The following MINAR1 variants were observed in gnomAD, a reference collection of about 807,000 sequenced individuals.
MINAR1 encodes the protein major intrinsically disordered Notch2-binding receptor 1.
In MINAR1, 40 loss-of-function variants were observed where a neutral mutation model predicts 65.1. That is an observed-to-expected ratio of 0.61 (90% CI 0.48 to 0.80). MINAR1 has a LOEUF of 0.80. Among genes scored for constraint, MINAR1 ranks in the 30% least tolerant of loss-of-function variants. The pLI is 0.00. For synonymous variants in MINAR1, 482 were observed against 449.1 expected, an observed-to-expected ratio of 1.07 and a Z score of -0.93; for missense variants, 1,128 against 1,148.0, an observed-to-expected ratio of 0.98 and a Z score of 0.25.
intron 1 of MINAR1, among the ~76,000 whole-genome samples, chr15:79,451,504 G>T (rs1392179871): frequency 6.6e-6 from 1 of 151,978 alleles, no homozygotes; most frequent in African/African-American, 2.4e-5. Context: ...ACGGGTCTGC[G>T]GGAGACACAG....
intron 1 of MINAR1, among the ~76,000 whole-genome samples, chr15:79,435,483 C>T (rs7163207): frequency 0.011 from 1,643 of 152,286 alleles, 27 homozygotes; most frequent in African/African-American, 0.037. Context: ...TCACCTAGCT[C>T]AGTGTTATAA....
Position 79,456,749 on chromosome 15 carries a change from A to G in MINAR1, c.602A>G (p.Tyr201Cys), listed in dbSNP as rs147845474. ...GACAGGTTGCAGGCCCTGGCTCCGT[A>G]CTCTGTGACCAGCCCTCAGCCCTGT... ...SLDRLQALAP[Y>C]SVTSPQPCEM... The change falls in exon 2 of 4, where the codon TAC becomes TGC. Residue 201 changes from tyrosine (Y) to cysteine (C), a missense_variant. By Grantham distance (194) the Tyr-to-Cys change is radical. Coordinates refer to ENST00000305428, the MANE Select transcript of MINAR1 (RefSeq NM_015206.3). 1.7e-4 allele frequency: 276 copies of G among 1,613,998 alleles called. No homozygotes were observed. Among genetic ancestry groups the G allele is most frequent in the South Asian group, 1.1e-3 (99 of 91,076 alleles).
chr15:79,445,553 T>TTTA (rs1555427882), intron 1 of MINAR1, among the ~76,000 whole-genome samples: 3 of 150,826 alleles, frequency 2.0e-5, no homozygotes, highest in Non-Finnish European at 4.4e-5. Context: ...GACAGTTATT[T>TTTA]TTTTTTTTTT....
the MINAR1 span, chr15:79,415,207 A>T: frequency 2.0e-5 from 3 of 152,128 alleles, no homozygotes; most frequent in African/African-American, 7.2e-5. Context: ...GCTCATGGGG[A>T]ACCAAGAGTT....
At chr15:79,464,057 C>T (rs1895749771) in intron 3 of MINAR1, among the ~76,000 whole-genome samples, 1 of 152,188 alleles carries the variant, frequency 6.6e-6, no homozygotes, top group Non-Finnish European at 1.5e-5. Context: ...GTGAGAGCTG[C>T]CTGTGGAGAT....
At chr15:79,445,722 A>AT (rs1192626079) in intron 1 of MINAR1, among the ~76,000 whole-genome samples, 2 of 151,816 alleles carry the variant, frequency 1.3e-5, no homozygotes, top group Non-Finnish European at 2.9e-5. Context: ...CTAATTTTGT[A>AT]TTTTTAGTAG....
In MINAR1 at chr15:79,442,846, C is replaced by G. The variant is rs145881317; in HGVS notation, c.-51+10306C>G. Among the ~76,000 whole-genome samples, 4 of 151,928 alleles carry G rather than the reference C, an allele frequency of 2.6e-5. No homozygotes were observed. In the East Asian group the frequency reaches 7.7e-4, roughly 29 times the overall value. ...AAATAACCCAGTAGACATCCATATA[C>G]CAGTGAAATTAAACGGATGTTAAAG... On this transcript the variant is annotated intron_variant, in intron 1 of 3. Coordinates refer to ENST00000305428, the MANE Select transcript of MINAR1 (RefSeq NM_015206.3).
the MINAR1 span, chr15:79,414,300 A>C: frequency 6.6e-6 from 1 of 152,240 alleles, no homozygotes; most frequent in African/African-American, 2.4e-5. Flanking sequence ...ATATAGGTTA[A>C]GATCCCTGTG....
chr15:79,468,273 A>T lies in MINAR1; in HGVS notation c.2640A>T (p.Lys880Asn). 1 of 1,614,086 alleles carries T rather than the reference A, an allele frequency of 6.2e-7. No homozygotes were observed. Among genetic ancestry groups the T allele is most frequent in the Admixed American group, 1.7e-5 (1 of 60,030 alleles). ...TPGYDSLLKRKEAEFRRAKVC... is the reference protein window; with the variant it reads ...TPGYDSLLKRNEAEFRRAKVC... ...GATACGATTCATTACTAAAACGTAA[A>T]GAAGCCGAATTCAGACGAGCCAAGG... is the stretch of plus-strand genomic sequence containing the variant. Residue 880 changes from lysine to asparagine, a missense_variant, in exon 4 of 4, where the codon AAA becomes AAT. Coordinates refer to ENST00000305428, the MANE Select transcript of MINAR1 (RefSeq NM_015206.3).
the MINAR1 span, chr15:79,419,190 A>C: frequency 1.3e-5 from 2 of 152,200 alleles, no homozygotes; most frequent in East Asian, 3.9e-4. Flanking sequence ...AGGAAAAGGG[A>C]TAGCAGGGAA....
chr15:79,412,050 C>A, the MINAR1 span: 1 of 147,106 alleles, frequency 6.8e-6, no homozygotes, highest in Admixed American at 6.7e-5. Context: ...CGCATCACAG[C>A]TCCTGTGCTG....
the MINAR1 span, chr15:79,420,479 G>A: frequency 6.6e-6 from 1 of 152,166 alleles, no homozygotes; most frequent in Non-Finnish European, 1.5e-5. Flanking sequence ...CTGTAGGCTT[G>A]GGGGAAACTT....
chr15:79,432,021 GC>G, upstream of MINAR1, among the ~76,000 whole-genome samples: 1 of 152,220 alleles, frequency 6.6e-6, no homozygotes, highest in East Asian at 1.9e-4. Context: ...GCCAGCTTGA[GC>G]GCCCCGGGCG....
intron 1 of MINAR1, among the ~76,000 whole-genome samples, chr15:79,433,022 C>T (rs926602492): frequency 6.6e-6 from 1 of 152,226 alleles, no homozygotes; most frequent in Non-Finnish European, 1.5e-5. Flanking sequence ...TTTCCAGTCA[C>T]GTTGATGTGG....
intron 3 of MINAR1, among the ~76,000 whole-genome samples, chr15:79,467,212 T>C (rs577938889): frequency 2.0e-5 from 3 of 152,366 alleles, no homozygotes; most frequent in Non-Finnish European, 4.4e-5. Flanking sequence ...CCTGTGTTTG[T>C]ATATGTGTAT....
At chr15:79,430,452 A>G (rs1014635644), upstream of MINAR1, among the ~76,000 whole-genome samples, 1 of 152,216 alleles carries the variant, frequency 6.6e-6, no homozygotes, top group African/African-American at 2.4e-5. Flanking sequence ...GGAGAAATAT[A>G]TACTTGTTCA....
rs1392463302 is a variant in MINAR1, at chr15:79,470,784, C to T, written c.*2400C>T. The T allele has an allele frequency of 1.3e-5, 2 of 152,158 alleles. No individual in the cohort carries two copies. The highest frequency in any genetic ancestry group is 2.4e-5 in the African/African-American group (1 of 41,418). 9.4% of individuals were successfully genotyped at this position (152,158 alleles called of 1,614,324 possible). On this transcript the variant is annotated 3_prime_UTR_variant, in exon 4 of 4. Transcript: ENST00000305428. ...GAAACATCTAGACCTGGTAATAATC[C>T]AGGAAATTGCAAAATGGAGGCCAAA...
intron 1 of MINAR1, among the ~76,000 whole-genome samples, chr15:79,442,693 T>C (rs930880561): frequency 8.6e-5 from 13 of 151,702 alleles, no homozygotes; most frequent in African/African-American, 1.5e-4. Context: ...GCCTTACTTA[T>C]ATAAATTTTC....
At chr15:79,421,766 C>T in the MINAR1 span, 3 of 152,246 alleles carry the variant, frequency 2.0e-5, no homozygotes, top group Admixed American at 6.5e-5. Context: ...AGAGGGGACA[C>T]CTGCCCACCT....
Sources: gnomAD v4.1 joint callset for allele counts (sites outside exome capture counted in the v4.1 genomes callset) on GRCh38, gnomAD v4.1.1 for gene constraint, MANE v1.5 for transcripts, NCBI Gene and HGNC (gene_info 2026-07-23, HGNC 2026-07-21) for gene names.